Variants in CENPP observed in about 807,000 individuals in gnomAD.
The protein encoded by CENPP is centromere protein P.
CENPP carries 24 observed loss-of-function variants against 35.6 expected under a neutral mutation model. The observed-to-expected ratio is 0.67, with a 90% CI of 0.49 to 0.95. The LOEUF is 0.95. Ranked by LOEUF, CENPP falls within the 40% of genes least tolerant of loss-of-function variation. The pLI is 0.00. For missense variants in CENPP, 332 were observed against 345.3 expected (o/e 0.96, Z 0.31); for synonymous variants, 120 against 125.5 (o/e 0.96, Z 0.29).
At chr9:92,612,686 T>G (rs983750786) in intron 7 of CENPP, 72 bp downstream of exon 7, 3 of 1,135,130 alleles carry the variant, frequency 2.6e-6, no homozygotes, top group Non-Finnish European at 4.0e-6. Context: ...CTGTTTCCTC[T>G]GGGTTTCAAA....
At chr9:92,465,905 T>C (rs1226815953) in intron 5 of CENPP, among the ~76,000 whole-genome samples, 3 of 151,732 alleles carry the variant, frequency 2.0e-5, no homozygotes, top group African/African-American at 7.3e-5. Flanking sequence ...CAATCTCGGC[T>C]CACTGCAACC....
At chr9:92,547,666 A>C (rs1849500951) in intron 5 of CENPP, among the ~76,000 whole-genome samples, 1 of 152,252 alleles carries the variant, frequency 6.6e-6, no homozygotes, top group Non-Finnish European at 1.5e-5. Context: ...GGGTAAGAAG[A>C]TAGGGAATGA....
In CENPP at chr9:92,522,441, T is replaced by C. The variant is rs144419834; in HGVS notation, c.565-88873T>C. On this transcript the variant is annotated intron_variant, in intron 5 of 7. Transcript: ENST00000375587. ...TTGTAGATTAAACCAAAAAGTAATA[T>C]AATAACCTGGATTTTTCTTTAGAAA... The C allele has an allele frequency of 7.6e-6, 8 of 1,049,812 alleles. No homozygotes were observed. The African/African-American group carries it at 1.3e-4, about 17-fold the overall frequency. 65.0% of individuals were successfully genotyped at this position (1,049,812 alleles called of 1,614,324 possible).
chr9:92,580,789 G>T (rs1288563468), intron 5 of CENPP, among the ~76,000 whole-genome samples: 8 of 152,262 alleles, frequency 5.3e-5, no homozygotes. Context: ...GGTTTTTTGT[G>T]TGTCTATTTC....
chr9:92,459,830 C>A, intron 5 of CENPP: 1 of 1,487,746 alleles, frequency 6.7e-7, no homozygotes, highest in Non-Finnish European at 9.2e-7. Flanking sequence ...ATAGAGTTAG[C>A]TGAAAACACC....
intron 4 of CENPP, among the ~76,000 whole-genome samples, chr9:92,362,773 C>T (rs192287354): frequency 9.2e-5 from 14 of 152,322 alleles, no homozygotes; most frequent in African/African-American, 2.9e-4. Flanking sequence ...TCTAGCACTT[C>T]CTCCACATTT....
At chr9:92,431,057 G>A (rs1253005377) in intron 5 of CENPP, among the ~76,000 whole-genome samples, 3 of 152,116 alleles carry the variant, frequency 2.0e-5, no homozygotes, top group East Asian at 3.9e-4. Flanking sequence ...GCCTCCCAAT[G>A]TGCTGGGATT....
chr9:92,461,191 A>G (rs932569887), intron 5 of CENPP, among the ~76,000 whole-genome samples: 1 of 152,156 alleles, frequency 6.6e-6, no homozygotes, highest in Non-Finnish European at 1.5e-5. Flanking sequence ...AATCTTATAC[A>G]TAATGTCATT....
chr9:92,510,739 G>A (rs896891936), intron 5 of CENPP, among the ~76,000 whole-genome samples: 2 of 152,178 alleles, frequency 1.3e-5, no homozygotes, highest in African/African-American at 2.4e-5. Context: ...CAACAGTTTC[G>A]GAATGGGACA....
chr9:92,607,665 A>T (rs1169777805), intron 5 of CENPP, among the ~76,000 whole-genome samples: 2 of 152,218 alleles, frequency 1.3e-5, no homozygotes, highest in African/African-American at 4.8e-5. Flanking sequence ...ATCTGTGGAC[A>T]CCCAAGGGTA....
At position 92,618,878 on chromosome 9, in the gene CENPP, G is replaced by A. The variant is rs1338574611; in HGVS notation, c.*5729G>A. ...ATGTGGAACATTCCGCAAATACTGG[G>A]TGCAGGGTTTAGCACCCCTGAAGAT... On this transcript the variant is annotated 3_prime_UTR_variant, in exon 8 of 8. Coordinates refer to ENST00000375587, the MANE Select transcript of CENPP (RefSeq NM_001012267.3). 2.9e-6 allele frequency: 1 copy of A among 341,666 alleles called. No homozygotes were observed. The highest frequency in any genetic ancestry group is 2.1e-5 in the African/African-American group (1 of 46,546). The allele number at this position is 341,666 out of a possible 1,614,324, so 21.2% of individuals were successfully genotyped here.
rs891631368 is a variant in CENPP at position 92,618,515 on chromosome 9, C to T, written c.*5366C>T. ...ATCCAAGCACATTTCCATTGCCCAG[C>T]TGCATCCTTGGTCGGGGGGCTGCTG... On this transcript the variant is annotated 3_prime_UTR_variant, in exon 8 of 8. Coordinates refer to ENST00000375587, the MANE Select transcript of CENPP (RefSeq NM_001012267.3). 1 of 456,636 alleles carries T rather than the reference C, an allele frequency of 2.2e-6. No homozygotes were observed. Among genetic ancestry groups the T allele is most frequent in the African/African-American group, 2.0e-5 (1 of 50,094 alleles). The allele number at this position is 456,636 out of a possible 1,614,324, so 28.3% of individuals were successfully genotyped here. A position where few individuals can be genotyped will look rare whatever the true frequency, so the allele number is the denominator to read the frequency against.
intron 5 of CENPP, among the ~76,000 whole-genome samples, chr9:92,445,308 G>C (rs1223127727): frequency 2.0e-5 from 3 of 152,056 alleles, no homozygotes; most frequent in African/African-American, 2.4e-5. Context: ...CCCCATGCAG[G>C]GTTCCCAGCT....
At chr9:92,443,408 A>G (rs1199542663) in intron 5 of CENPP, among the ~76,000 whole-genome samples, 1 of 152,196 alleles carries the variant, frequency 6.6e-6, no homozygotes, top group African/African-American at 2.4e-5. Context: ...CTTTTATCAG[A>G]ATACTACAAA....
chr9:92,583,917 A>G (rs1298095522), intron 5 of CENPP, among the ~76,000 whole-genome samples: 5 of 152,212 alleles, frequency 3.3e-5, no homozygotes, highest in Non-Finnish European at 7.3e-5. Flanking sequence ...AGTATTAGCA[A>G]TGGTTGGGCA....
rs1452802041 is a variant in CENPP at position 92,619,061 on chromosome 9, G to A, written c.*5912G>A. ...AAGCAGAATGAATGCGCGCCTCACA[G>A]GCTTTCAAATGACTGTGGTGGTAAA... is the stretch of plus-strand genomic sequence containing the variant. On this transcript the variant is annotated 3_prime_UTR_variant, in exon 8 of 8. Coordinates refer to ENST00000375587, the MANE Select transcript of CENPP (RefSeq NM_001012267.3). 4.4e-6 allele frequency: 1 copy of A among 229,504 alleles called. No homozygotes were observed. Among genetic ancestry groups the A allele is most frequent in the East Asian group, 1.0e-4 (1 of 9,746 alleles). 14.2% of individuals were successfully genotyped at this position (229,504 alleles called of 1,614,324 possible).
At chr9:92,335,149 A>G (rs1840886357) in intron 2 of CENPP, among the ~76,000 whole-genome samples, 2 of 152,192 alleles carry the variant, frequency 1.3e-5, no homozygotes, top group Non-Finnish European at 2.9e-5. Context: ...ACGAGACTCC[A>G]TCTCAAAAAT....
chr9:92,404,375 A>G, intron 5 of CENPP: 1 of 543,460 alleles, frequency 1.8e-6, no homozygotes, highest in East Asian at 9.9e-5. Context: ...ACTTCTTAAA[A>G]ATTAATTGAG....
chr9:92,405,771 T>C (rs188394146), intron 5 of CENPP, among the ~76,000 whole-genome samples: 1 of 152,356 alleles, frequency 6.6e-6, no homozygotes, highest in Non-Finnish European at 1.5e-5. Flanking sequence ...TGATGCTTTG[T>C]ACTACAGAAA....
Sources: gnomAD v4.1 joint callset for allele counts (sites outside exome capture counted in the v4.1 genomes callset) on GRCh38, gnomAD v4.1.1 for gene constraint, MANE v1.5 for transcripts, NCBI Gene and HGNC (gene_info 2026-07-23, HGNC 2026-07-21) for gene names.